The following SNCAIP variants were observed in gnomAD, a reference collection of about 807,000 sequenced individuals.
SNCAIP encodes synuclein alpha interacting protein.
SNCAIP carries 43 observed loss-of-function variants against 86.7 expected under a neutral mutation model. The ratio of observed to expected loss-of-function variants is 0.50; its 90% CI spans 0.39 to 0.64. The LOEUF (loss-of-function observed/expected upper bound fraction) is 0.64, where lower values mean the gene tolerates loss of function less well. Among genes scored for constraint, SNCAIP ranks in the 30% least tolerant of loss-of-function variants. SNCAIP has a pLI of 0.00. For missense variants in SNCAIP, 981 were observed against 1,103.1 expected (o/e 0.89, Z 1.57); for synonymous variants, 417 against 427.2 (o/e 0.98, Z 0.29).
chr5:122,349,780 A>G (rs1045418013), intron 1 of SNCAIP, among the ~76,000 whole-genome samples: 4 of 152,184 alleles, frequency 2.6e-5, no homozygotes, highest in Non-Finnish European at 4.4e-5. Context: ...CTCTAGCCAC[A>G]CAAATATAGT....
intron 1 of SNCAIP, among the ~76,000 whole-genome samples, chr5:122,376,648 A>G (rs1453314719): frequency 6.6e-6 from 1 of 152,196 alleles, no homozygotes. Context: ...TCACTGAATG[A>G]ACAATATTCC....
chr5:122,322,275 T>C (rs1210376758), intron 1 of SNCAIP, among the ~76,000 whole-genome samples: 1 of 152,208 alleles, frequency 6.6e-6, no homozygotes, highest in East Asian at 1.9e-4. Flanking sequence ...GCTTATCTAC[T>C]TTACCCCCAA....
At chr5:122,383,171 T>C (rs949387426) in intron 1 of SNCAIP, among the ~76,000 whole-genome samples, 18 of 152,232 alleles carry the variant, frequency 1.2e-4, no homozygotes, top group African/African-American at 4.3e-4. Context: ...GATCTCAGAC[T>C]GCTGTGCTAG....
intron 1 of SNCAIP, chr5:122,312,765 CTCA>C (rs1190972901): frequency 6.6e-6 from 1 of 152,618 alleles, no homozygotes; most frequent in Non-Finnish European, 1.5e-5. Flanking sequence ...CCGCCCCTCG[CTCA>C]TCAGCACCAG....
chr5:122,446,660 A>T (rs1163075065), intron 8 of SNCAIP, among the ~76,000 whole-genome samples: 5 of 152,200 alleles, frequency 3.3e-5, no homozygotes, highest in Non-Finnish European at 7.3e-5. Context: ...CCTACTGTAT[A>T]TCTAGGTGAA....
At chr5:122,344,446 A>G (rs1758200998) in intron 1 of SNCAIP, among the ~76,000 whole-genome samples, 1 of 152,170 alleles carries the variant, frequency 6.6e-6, no homozygotes, top group Non-Finnish European at 1.5e-5. Flanking sequence ...CTTTTCCCTC[A>G]TTTTATATAA....
intron 1 of SNCAIP, among the ~76,000 whole-genome samples, chr5:122,316,135 G>A (rs755228603): frequency 6.6e-6 from 1 of 152,134 alleles, no homozygotes. Flanking sequence ...CTATTGTTTA[G>A]TGTTTAAATC....
chr5:122,420,587 T>A (rs77772046), intron 3 of SNCAIP, among the ~76,000 whole-genome samples: 7,248 of 134,858 alleles, frequency 0.054, 426 homozygotes, highest in African/African-American at 0.13. Flanking sequence ...ATATATATAT[T>A]TTTTTTTCCA....
intron 3 of SNCAIP, among the ~76,000 whole-genome samples, chr5:122,416,857 A>G (rs3811903): frequency 0.1 from 15,951 of 152,232 alleles, 1,060 homozygotes; most frequent in Admixed American, 0.14. Context: ...CTTCAAAAGT[A>G]TGTCCTTGAA....
At chr5:122,329,319 A>T (rs936393906) in intron 1 of SNCAIP, among the ~76,000 whole-genome samples, 1 of 151,976 alleles carries the variant, frequency 6.6e-6, no homozygotes, top group Non-Finnish European at 1.5e-5. Flanking sequence ...TTCAATCAGG[A>T]TTATTTCAGG....
intron 7 of SNCAIP, among the ~76,000 whole-genome samples, chr5:122,441,549 G>A (rs970057767): frequency 4.6e-5 from 7 of 152,168 alleles, no homozygotes; most frequent in Non-Finnish European, 8.8e-5. Context: ...GAGAGTGTAG[G>A]GTTCCTATGA....
At chr5:122,438,223 C>T (rs1486711225) in intron 6 of SNCAIP, among the ~76,000 whole-genome samples, 1 of 152,192 alleles carries the variant, frequency 6.6e-6, no homozygotes, top group Non-Finnish European at 1.5e-5. Context: ...AGTTCCCAGC[C>T]AGGGCCACTG....
chr5:122,397,961 G>A (rs1421580707), intron 2 of SNCAIP, among the ~76,000 whole-genome samples: 1 of 152,118 alleles, frequency 6.6e-6, no homozygotes, highest in African/African-American at 2.4e-5. Context: ...AAAGACGAGA[G>A]TTGAAAAATG....
At chr5:122,422,165 A>G (rs1036511449) in intron 3 of SNCAIP, among the ~76,000 whole-genome samples, 9 of 152,124 alleles carry the variant, frequency 5.9e-5, no homozygotes, top group Admixed American at 3.9e-4. Flanking sequence ...TCACTGTGTC[A>G]TATGTCAGAA....
At chr5:122,333,431 G>GC (rs760497950) in intron 1 of SNCAIP, among the ~76,000 whole-genome samples, 13 of 152,304 alleles carry the variant, frequency 8.5e-5, no homozygotes, top group Non-Finnish European at 1.6e-4. Flanking sequence ...GCCTTGCATA[G>GC]CCAATGCACA....
chr5:122,350,376 T>A (rs1410661503), intron 1 of SNCAIP, among the ~76,000 whole-genome samples: 1 of 152,148 alleles, frequency 6.6e-6, no homozygotes, highest in Non-Finnish European at 1.5e-5. Context: ...GATGACATAA[T>A]TTTTTAGTAT....
At chr5:122,358,322 A>G (rs1418218417) in intron 1 of SNCAIP, among the ~76,000 whole-genome samples, 4 of 149,558 alleles carry the variant, frequency 2.7e-5, no homozygotes, top group African/African-American at 9.8e-5. Flanking sequence ...CGTCATTTAT[A>G]TTAGGTGTAT....
Position 122,336,397 on chromosome 5 carries a change from A to G in SNCAIP, c.-47+24113A>G, listed in dbSNP as rs557587572. Among the ~76,000 whole-genome samples the G allele has an allele frequency of 1.3e-4, 20 of 152,130 alleles. No individual in the cohort carries two copies. In the South Asian group the frequency reaches 4.0e-3, roughly 30 times the overall value. Reference sequence around the variant, plus strand: ...ACAGCTGGTTACTGGTGTAGTCATGACTCTAACCTACATCTGCCCATATTA... The same window carrying G: ...ACAGCTGGTTACTGGTGTAGTCATGGCTCTAACCTACATCTGCCCATATTA... On this transcript the variant is annotated intron_variant, in intron 1 of 10. Coordinates refer to ENST00000261368, the MANE Select transcript of SNCAIP (RefSeq NM_005460.4).
chr5:122,367,729 C>T (rs1015819823), intron 1 of SNCAIP, among the ~76,000 whole-genome samples: 14 of 152,030 alleles, frequency 9.2e-5, no homozygotes, highest in East Asian at 3.9e-4. Flanking sequence ...AAGCAGAAAG[C>T]GCCTGTATTA....
Sources: allele counts gnomAD v4.1 joint callset (sites outside exome capture counted in the v4.1 genomes callset), GRCh38; gene constraint gnomAD v4.1.1; transcripts MANE v1.5; gene names NCBI Gene and HGNC (gene_info 2026-07-23, HGNC 2026-07-21).